The following TSC22D2 variants were observed in gnomAD, a reference collection of about 807,000 sequenced individuals.
The protein encoded by TSC22D2 is TSC22 domain family member 2, also known as TSC22 domain family protein 2.
A neutral mutation model predicts 50.1 loss-of-function variants in TSC22D2; 5 were observed. The ratio of observed to expected loss-of-function variants is 0.10; its 90% CI spans 0.05 to 0.21. TSC22D2 has a LOEUF of 0.21. TSC22D2 is among the 10% of genes least tolerant of loss of function. The pLI, the probability that TSC22D2 is intolerant of heterozygous loss-of-function variation, is 1.00. For missense variants in TSC22D2, 1,003 were observed against 1,015.5 expected (o/e 0.99, Z 0.17); for synonymous variants, 501 against 450.1 (o/e 1.11, Z -1.43).
rs908467003 is a variant in TSC22D2, at chr3:150,464,894, C to T, written c.*6258C>T. 1.3e-5 allele frequency: 2 copies of T among 152,150 alleles called. No individual in the cohort carries two copies. Among genetic ancestry groups the T allele is most frequent in the Non-Finnish European group, 2.9e-5 (2 of 68,004 alleles). 9.4% of individuals were successfully genotyped at this position (152,150 alleles called of 1,614,324 possible). On this transcript the variant is annotated 3_prime_UTR_variant, in exon 3 of 3. Transcript: ENST00000688009. ...AATCAAAGTTAACTAGAATAGGATTCATGTGTCATGAATTATATTGTCTAT... is the reference window on the plus strand; with the variant it reads ...AATCAAAGTTAACTAGAATAGGATTTATGTGTCATGAATTATATTGTCTAT...
In TSC22D2 at chr3:150,422,590, C is replaced by G. The variant is rs150623949; in HGVS notation, c.1958+11282C>G. Among the ~76,000 whole-genome samples, 979 of 152,212 alleles carry G rather than the reference C, an allele frequency of 6.4e-3. 9 individuals carry two copies. The highest frequency in any genetic ancestry group is 0.022 in the African/African-American group (919 of 41,530). On this transcript the variant is annotated intron_variant, in intron 1 of 2. Coordinates refer to ENST00000688009, the MANE Select transcript of TSC22D2 (RefSeq NM_001303264.2). ...AAGAATTCTTCATTGTTAATCAAAC[C>G]TTTGCTACTTTTAACAGAGCCTAAG...
intron 1 of TSC22D2, among the ~76,000 whole-genome samples, chr3:150,455,570 A>G (rs1354140094): frequency 1.3e-5 from 2 of 152,224 alleles, no homozygotes; most frequent in Non-Finnish European, 2.9e-5. Flanking sequence ...AGGCATTGAC[A>G]TCAACCCCTT....
rs138167063 is a variant in TSC22D2 at position 150,458,523 on chromosome 3, C to G, written c.2158C>G (p.Gln720Glu). The change falls in exon 3 of 3, where the codon CAA (glutamine) becomes GAA (glutamate). Residue 720 changes from glutamine (Q) to glutamate (E), a missense_variant. By Grantham distance (29) the Gln-to-Glu change is conservative. Around this residue, in one of 6 missense-constraint regions of TSC22D2, gnomAD observed 54 missense variants for 51.4 expected, o/e 1.05. Transcript: ENST00000688009. ...TCTTTCAAGCAATGATCAATTATCC[C>G]AACTCCCAACCCAACAGGCCAATCC... ...KSLSSNDQLS[Q>E]LPTQQANPGS... 2 of 1,614,098 alleles carry G rather than the reference C, an allele frequency of 1.2e-6. No homozygotes were observed. Among genetic ancestry groups the G allele is most frequent in the Admixed American group, 1.7e-5 (1 of 60,014 alleles).
intron 1 of TSC22D2, among the ~76,000 whole-genome samples, chr3:150,433,559 G>A (rs1368308741): frequency 6.6e-6 from 1 of 152,236 alleles, no homozygotes; most frequent in African/African-American, 2.4e-5. Context: ...AGGGAAAAGA[G>A]TTGCAGTGTC....
rs1460774339 is a variant in TSC22D2 at position 150,464,574 on chromosome 3, T to C, written c.*5938T>C. The C allele has an allele frequency of 6.6e-6, 1 of 152,196 alleles. No homozygotes were observed. Among genetic ancestry groups the C allele is most frequent in the East Asian group, 1.9e-4 (1 of 5,202 alleles). 9.4% of individuals were successfully genotyped at this position (152,196 alleles called of 1,614,324 possible). A position where few individuals can be genotyped will look rare whatever the true frequency, so the allele number is the denominator to read the frequency against. On this transcript the variant is annotated 3_prime_UTR_variant, in exon 3 of 3. Transcript: ENST00000688009. ...TGTAAGTGTAAAAGTTAAAGTGCCA[T>C]ATTGTTTATTCAGAGTATATGTTAT...
In TSC22D2 at chr3:150,428,875, T is replaced by G. The variant is rs141420511; in HGVS notation, c.1958+17567T>G. Among the ~76,000 whole-genome samples the G allele has an allele frequency of 1.8e-4, 27 of 152,316 alleles. No individual in the cohort carries two copies. The East Asian group carries it at 5.0e-3, about 28-fold the overall frequency. On this transcript the variant is annotated intron_variant, in intron 1 of 2. Coordinates refer to ENST00000688009, the MANE Select transcript of TSC22D2 (RefSeq NM_001303264.2). ...TAAACAGATCCCTTGGGAAATGGTC[T>G]TGCCATCACTAGAAATAATACAACT... is the stretch of plus-strand genomic sequence containing the variant.
In TSC22D2 at chr3:150,410,729, C is replaced by G; in HGVS notation, c.1379C>G (p.Ala460Gly). The change falls in exon 1 of 3, where the codon GCT (alanine) becomes GGT (glycine). Residue 460 changes from alanine to glycine, a missense_variant. Physicochemically the swap from Ala to Gly is moderately conservative, Grantham distance 60 (BLOSUM62 0). Around this residue, in one of 6 missense-constraint regions of TSC22D2, gnomAD observed 696 missense variants for 647.8 expected, o/e 1.07. Coordinates refer to ENST00000688009, the MANE Select transcript of TSC22D2 (RefSeq NM_001303264.2). ...APCQPTGVPP[A>G]TVGGVVQPCL... ...TGTCAGCCGACTGGAGTGCCCCCGG[C>G]TACTGTGGGAGGCGTGGTGCAGCCG... 1 of 1,597,126 alleles carries G rather than the reference C, an allele frequency of 6.3e-7. No homozygotes were observed. The highest frequency in any genetic ancestry group is 8.5e-7 in the Non-Finnish European group (1 of 1,172,508).
intron 1 of TSC22D2, chr3:150,423,249 G>A: frequency 1.8e-6 from 1 of 550,520 alleles, no homozygotes; most frequent in African/African-American, 2.0e-5. Context: ...ATCTAGCATG[G>A]GACAAAGCAG....
intron 1 of TSC22D2, among the ~76,000 whole-genome samples, chr3:150,417,712 A>G (rs1359997816): frequency 6.6e-6 from 1 of 152,230 alleles, no homozygotes; most frequent in East Asian, 1.9e-4. Flanking sequence ...TATCACAGAA[A>G]TGTTAATATT....
intron 2 of TSC22D2, among the ~76,000 whole-genome samples, chr3:150,457,668 C>T (rs534089783): frequency 2.0e-5 from 3 of 152,266 alleles, no homozygotes; most frequent in Non-Finnish European, 2.9e-5. Context: ...GATAGTCTCG[C>T]TCTGTCACCC....
chr3:150,441,637 T>G (rs1370492541), intron 1 of TSC22D2, among the ~76,000 whole-genome samples: 1 of 151,970 alleles, frequency 6.6e-6, no homozygotes, highest in African/African-American at 2.4e-5. Context: ...ACCTGTGGTC[T>G]CAGCTACTTG....
At chr3:150,415,123 T>C (rs1003511718) in intron 1 of TSC22D2, among the ~76,000 whole-genome samples, 1 of 152,126 alleles carries the variant, frequency 6.6e-6, no homozygotes, top group Non-Finnish European at 1.5e-5. Flanking sequence ...TAAAACATAC[T>C]TTATTCATAA....
rs1719539227 is a variant in TSC22D2 at position 150,411,044 on chromosome 3, C to T, written c.1694C>T (p.Thr565Ile). ...QHVGLPLAPG[T>I]HSAPTSLPQS... is the part of the protein sequence containing the mutation. ...GTTGGGCTGCCCTTAGCGCCAGGCA[C>T]ACACAGCGCACCAACAAGTCTACCA... Residue 565 changes from threonine to isoleucine, a missense_variant, in exon 1 of 3, where the codon ACA becomes ATA. Thr to Ile is a moderately conservative substitution (Grantham distance 89). Coordinates refer to ENST00000688009, the MANE Select transcript of TSC22D2 (RefSeq NM_001303264.2). 1 of 1,614,078 alleles carries T rather than the reference C, an allele frequency of 6.2e-7. No individual in the cohort carries two copies. Among genetic ancestry groups the T allele is most frequent in the African/African-American group, 1.3e-5 (1 of 74,930 alleles).
At chr3:150,421,641 A>G (rs1720013640) in intron 1 of TSC22D2, among the ~76,000 whole-genome samples, 2 of 152,152 alleles carry the variant, frequency 1.3e-5, no homozygotes, top group Admixed American at 6.5e-5. Context: ...CTCCTAATTA[A>G]TCAAACAGTT....
At chr3:150,427,204 A>T (rs1720221490) in intron 1 of TSC22D2, among the ~76,000 whole-genome samples, 1 of 152,108 alleles carries the variant, frequency 6.6e-6, no homozygotes, top group Admixed American at 6.5e-5. Context: ...AAATTTTTTT[A>T]TTGAAGTATA....
In TSC22D2 at chr3:150,458,405, A is replaced by G. The variant is rs766662985; in HGVS notation, c.2040A>G (p.Ala680=). 2 of 1,614,034 alleles carry G rather than the reference A, an allele frequency of 1.2e-6. No individual in the cohort carries two copies. The highest frequency in any genetic ancestry group is 2.2e-5 in the East Asian group (1 of 44,888). Residue 680 remains alanine (A), a synonymous_variant, in exon 3 of 3, where the codon GCA becomes GCG. Transcript: ENST00000688009. ...TGGTGAAAAGCCATTTGATGTATGC[A>G]GTAAGAGAAGAAGTGGAAGTTTTAA... The part of the protein sequence containing the change: ...MDLVKSHLMY[A]VREEVEVLKE...
chr3:150,423,134 C>A (rs775617637), intron 1 of TSC22D2: 3 of 1,592,542 alleles, frequency 1.9e-6, no homozygotes, highest in South Asian at 1.1e-5. Context: ...TGAATACTTA[C>A]ATATGGAATG....
rs1313850911 is a variant in TSC22D2, at chr3:150,408,579, C to A, written c.-772C>A. 2 of 152,438 alleles carry A rather than the reference C, an allele frequency of 1.3e-5. No homozygotes were observed. The highest frequency in any genetic ancestry group is 2.9e-5 in the Non-Finnish European group (2 of 68,258). 9.4% of individuals were successfully genotyped at this position (152,438 alleles called of 1,614,324 possible). A position where few individuals can be genotyped will look rare whatever the true frequency, so the allele number is the denominator to read the frequency against. ...GAGGGGAGGCCGAGACCGCCGTCGC[C>A]GCCCGCCCGCAGGGGTGGTTCCCCC... On this transcript the variant is annotated 5_prime_UTR_variant, in exon 1 of 3. Coordinates refer to ENST00000688009, the MANE Select transcript of TSC22D2 (RefSeq NM_001303264.2).
At chr3:150,430,749 G>C (rs1336637015) in intron 1 of TSC22D2, among the ~76,000 whole-genome samples, 1 of 152,126 alleles carries the variant, frequency 6.6e-6, no homozygotes, top group African/African-American at 2.4e-5. Context: ...CCAAGGATTA[G>C]AGTAGGGTAA....
Sources: gnomAD v4.1 joint callset for allele counts (sites outside exome capture counted in the v4.1 genomes callset) on GRCh38, gnomAD v4.1.1 for gene constraint, gnomAD v4.1.1 regional missense constraint, MANE v1.5 for transcripts, NCBI Gene and HGNC (gene_info 2026-07-23, HGNC 2026-07-21) for gene names.